The following ZFYVE1 variants were observed in gnomAD, a reference collection of about 807,000 sequenced individuals.
ZFYVE1 encodes the protein zinc finger FYVE-type containing 1, also known as zinc finger FYVE domain-containing protein 1.
In ZFYVE1, 30 loss-of-function variants were observed where a neutral mutation model predicts 74.4. The observed-to-expected ratio is 0.40, with a 90% CI of 0.30 to 0.55. The LOEUF (loss-of-function observed/expected upper bound fraction) is 0.55. Ranked by LOEUF, ZFYVE1 falls within the 20% of genes least tolerant of loss-of-function variation. The pLI is 0.42. For missense variants in ZFYVE1, 703 were observed against 1,011.6 expected, an observed-to-expected ratio of 0.69 and a Z score of 4.14; for synonymous variants, 335 against 385.1, an observed-to-expected ratio of 0.87 and a Z score of 1.52.
At chr14:72,978,429 T>C (rs1317611128) in intron 6 of ZFYVE1, among the ~76,000 whole-genome samples, 195 bp from the exon 7 acceptor site, 1 of 151,816 alleles carries the variant, frequency 6.6e-6, no homozygotes, top group African/African-American at 2.4e-5. Flanking sequence ...TAGCTGGGCA[T>C]GGTGGCACAC....
At chr14:72,993,112 T>C in intron 4 of ZFYVE1, 31 bp downstream of exon 4, 1 of 1,541,730 alleles carries the variant, frequency 6.5e-7, no homozygotes, top group Non-Finnish European at 8.8e-7. Flanking sequence ...GGCACCCCAA[T>C]GAGAAGCCCT....
At chr14:73,000,558 T>C (rs1311544275) in intron 2 of ZFYVE1, among the ~76,000 whole-genome samples, 2 of 151,054 alleles carry the variant, frequency 1.3e-5, no homozygotes, top group Non-Finnish European at 2.9e-5. Context: ...GAACCATGAC[T>C]GCACCACTCC....
At chr14:72,978,729 A>C (rs1893245500) in intron 6 of ZFYVE1, 132 bp downstream of exon 6, 1 of 713,188 alleles carries the variant, frequency 1.4e-6, no homozygotes, top group Non-Finnish European at 2.5e-6. Context: ...GCTGGAGAGA[A>C]GTTCCAGAAA....
intron 4 of ZFYVE1, among the ~76,000 whole-genome samples, chr14:72,992,627 C>CG (rs1420857619): frequency 9.9e-6 from 1 of 101,228 alleles, no homozygotes; most frequent in African/African-American, 3.4e-5. Context: ...CCCCCCCGCC[C>CG]CTTGCAAGAG....
At position 72,974,910 on chromosome 14, in the gene ZFYVE1, T is replaced by C; in HGVS notation, c.1856A>G (p.His619Arg). Residue 619 changes from histidine to arginine, a missense_variant, in exon 10 of 12, where the codon CAC becomes CGC. By Grantham distance (29) the His-to-Arg change is conservative (BLOSUM62 0). Coordinates refer to ENST00000556143, the MANE Select transcript of ZFYVE1 (RefSeq NM_021260.4). ...GAAGCCCTCCCCACAGGCTCGGCAG[T>C]GATGCTTAGTGTCGTTATCTTTAAA... Reference protein sequence around the residue: ...TSFKDNDTKHHCRACGEGFCD... With the variant: ...TSFKDNDTKHRCRACGEGFCD... The C allele has an allele frequency of 6.2e-7, 1 of 1,613,966 alleles. No individual in the cohort carries two copies. Among genetic ancestry groups the C allele is most frequent in the Non-Finnish European group, 8.5e-7 (1 of 1,179,898 alleles).
At position 72,978,566 on chromosome 14, in the gene ZFYVE1, C is replaced by CAAA. The variant is rs58858186; in HGVS notation, c.1419+292_1419+294dup. On this transcript the variant is annotated intron_variant, in intron 6 of 11. Transcript: ENST00000556143. Reference sequence around the variant, plus strand: ...TGGCTGACAGAGCAAGACTCTGTCTCAAAAAAAAAAAAAAAAAAAAAAAAA... The same window carrying CAAA: ...TGGCTGACAGAGCAAGACTCTGTCTCAAAAAAAAAAAAAAAAAAAAAAAAAAAA... Among the ~76,000 whole-genome samples the CAAA allele has an allele frequency of 2.2e-3, 112 of 50,966 alleles. 5 individuals are homozygous for CAAA. Among genetic ancestry groups the CAAA allele is most frequent in the African/African-American group, 3.6e-3 (38 of 10,554 alleles). The allele number at this position is 50,966 out of a possible 152,430, so 33.4% of individuals were successfully genotyped here. A position where few individuals can be genotyped will look rare whatever the true frequency, so the allele number is the denominator to read the frequency against.
At chr14:72,988,225 A>G (rs1043875853) in intron 4 of ZFYVE1, among the ~76,000 whole-genome samples, 1 of 147,942 alleles carries the variant, frequency 6.8e-6, no homozygotes, top group Admixed American at 6.8e-5. Flanking sequence ...CCCAGGCTAG[A>G]GTGTAGTGGC....
At chr14:72,971,679 G>A (rs1893038738) in intron 11 of ZFYVE1, among the ~76,000 whole-genome samples, 1 of 152,100 alleles carries the variant, frequency 6.6e-6, no homozygotes, top group Non-Finnish European at 1.5e-5. Flanking sequence ...TGTTGCCCAG[G>A]CTGGTCTCAA....
At chr14:72,993,997 G>A (rs1893684560) in intron 3 of ZFYVE1, among the ~76,000 whole-genome samples, 1 of 124,876 alleles carries the variant, frequency 8.0e-6, no homozygotes, top group South Asian at 2.6e-4. Context: ...CCTGGCGACA[G>A]AGAGAGATTC....
chr14:72,998,051 T>A lies in ZFYVE1; in HGVS notation c.748A>T (p.Thr250Ser). The A allele has an allele frequency of 6.2e-7, 1 of 1,614,096 alleles. No homozygotes were observed. Among genetic ancestry groups the A allele is most frequent in the African/African-American group, 1.3e-5 (1 of 75,020 alleles). The part of the protein sequence containing the change: ...LGATVNLSQR[T>S]RLLLKVLAIS... Reference sequence around the variant, plus strand: ...GCCAGGACCTTAAGCAGCAGCCGTGTTCTCTGGCTTAGATTCACGGTGGCC... The same window carrying A: ...GCCAGGACCTTAAGCAGCAGCCGTGATCTCTGGCTTAGATTCACGGTGGCC... The change falls in exon 3 of 12, where the codon ACA (threonine) becomes TCA (serine). Residue 250 changes from threonine to serine, a missense_variant. Thr to Ser is a moderately conservative substitution (Grantham distance 58, BLOSUM62 1). Coordinates refer to ENST00000556143, the MANE Select transcript of ZFYVE1 (RefSeq NM_021260.4).
chr14:72,969,487 TAC>T lies in ZFYVE1; in HGVS notation c.*1393_*1394del, dbSNP rs1892972664. Reference sequence around the variant, plus strand: ...TCCTTTATGATGGCGAATTGGATGGTACACAGTTCTAGAGTAGGGTCCCAGTC... The same window carrying T: ...TCCTTTATGATGGCGAATTGGATGGTACAGTTCTAGAGTAGGGTCCCAGTC... On this transcript the variant is annotated 3_prime_UTR_variant, in exon 12 of 12. Transcript: ENST00000556143. 2.2e-5 allele frequency: 12 copies of T among 551,142 alleles called. 1 individual carries two copies. The South Asian group carries it at 3.0e-4, about 14-fold the overall frequency. 34.1% of individuals were successfully genotyped at this position (551,142 alleles called of 1,614,324 possible). A position where few individuals can be genotyped will look rare whatever the true frequency, so the allele number is the denominator to read the frequency against.
intron 3 of ZFYVE1, among the ~76,000 whole-genome samples, chr14:72,994,322 CAA>C (rs71109776): frequency 1.6e-4 from 5 of 31,124 alleles, no homozygotes; most frequent in African/African-American, 3.7e-4. Context: ...GACGCTGTCT[CAA>C]AAAAAAAAAA....
At chr14:72,977,435 G>A (rs867701037) in intron 8 of ZFYVE1, among the ~76,000 whole-genome samples, 3 of 151,852 alleles carry the variant, frequency 2.0e-5, no homozygotes, top group Non-Finnish European at 2.9e-5. Flanking sequence ...AAGATTAAGC[G>A]TCTATAGGAA....
At chr14:72,992,325 T>A (rs929217215) in intron 4 of ZFYVE1, among the ~76,000 whole-genome samples, 4 of 152,164 alleles carry the variant, frequency 2.6e-5, no homozygotes, top group Non-Finnish European at 5.9e-5. Context: ...CAGTACAGGC[T>A]TTGTGGTTAT....
At chr14:73,022,017 C>T (rs1344274969) in intron 2 of ZFYVE1, among the ~76,000 whole-genome samples, 4 of 152,194 alleles carry the variant, frequency 2.6e-5, no homozygotes, top group Non-Finnish European at 5.9e-5. Context: ...AAAGTGGCAA[C>T]AACCAAACTA....
intron 4 of ZFYVE1, 148 bp downstream of exon 4, chr14:72,992,995 G>T: frequency 1.4e-6 from 1 of 707,912 alleles, no homozygotes; most frequent in Non-Finnish European, 2.2e-6. Context: ...CATCTGACAG[G>T]TGCGGACTCC....
rs775238023 is a variant in ZFYVE1 at position 73,024,330 on chromosome 14, C to G, written c.179G>C (p.Arg60Pro). Reference protein sequence around the residue: ...HRQERLRNHERIRLKPGHVPY... With the variant: ...HRQERLRNHEPIRLKPGHVPY... ...GACATGGCCAGGTTTGAGTCTTATC[C>G]GCTCATGGTTTCTCAGGCGCTCCTG... The change falls in exon 2 of 12, where the codon CGG becomes CCG. Residue 60 changes from arginine to proline, a missense_variant. Arg to Pro is a moderately radical substitution (Grantham distance 103). Transcript: ENST00000556143. 6.2e-7 allele frequency: 1 copy of G among 1,613,972 alleles called. No homozygotes were observed. The highest frequency in any genetic ancestry group is 8.5e-7 in the Non-Finnish European group (1 of 1,180,022).
At chr14:72,986,475 TAAA>T (rs33940384) in intron 4 of ZFYVE1, among the ~76,000 whole-genome samples, 137 of 139,684 alleles carry the variant, frequency 9.8e-4, no homozygotes, top group Non-Finnish European at 1.3e-3. Context: ...CAGTAACTGT[TAAA>T]AAAAAAAAAA....
chr14:72,983,350 C>A (rs12893023), intron 4 of ZFYVE1, among the ~76,000 whole-genome samples: 352 of 122,702 alleles, frequency 2.9e-3, no homozygotes, highest in Middle Eastern at 9.0e-3. Flanking sequence ...TTCCCCCCTC[C>A]CCCCCACCCC....
Sources: allele counts gnomAD v4.1 joint callset (sites outside exome capture counted in the v4.1 genomes callset), GRCh38; gene constraint gnomAD v4.1.1; transcripts MANE v1.5; gene names NCBI Gene and HGNC (gene_info 2026-07-23, HGNC 2026-07-21).